Variants in ECHDC1 observed in about 807,000 individuals in gnomAD.
The protein encoded by ECHDC1 is ethylmalonyl-CoA decarboxylase 1.
A neutral mutation model predicts 29.7 loss-of-function variants in ECHDC1; 29 were observed. The observed-to-expected ratio is 0.98, with a 90% CI of 0.73 to 1.33. The LOEUF is 1.33. Among genes scored for constraint, ECHDC1 ranks in the 40% most tolerant of loss-of-function variants. The pLI, the probability that ECHDC1 is intolerant of heterozygous loss-of-function variation, is 0.00. For missense variants in ECHDC1, 328 were observed against 350.0 expected, an observed-to-expected ratio of 0.94 and a Z score of 0.50; for synonymous variants, 126 against 123.1, an observed-to-expected ratio of 1.02 and a Z score of -0.15.
chr6:127,317,676 C>T (rs1055328141), intron 3 of ECHDC1, among the ~76,000 whole-genome samples: 6 of 152,158 alleles, frequency 3.9e-5, no homozygotes, highest in East Asian at 1.9e-4. Context: ...TCTGAGCTAG[C>T]GGTCAATAAG....
At chr6:127,339,719 G>A (rs1784748406) in intron 1 of ECHDC1, among the ~76,000 whole-genome samples, 1 of 149,354 alleles carries the variant, frequency 6.7e-6, no homozygotes, top group Admixed American at 6.7e-5. Context: ...ATTGCAGTGA[G>A]CCAAGATCAC....
intron 3 of ECHDC1, among the ~76,000 whole-genome samples, chr6:127,320,301 G>A (rs1472268447): frequency 1.3e-5 from 2 of 152,180 alleles, no homozygotes; most frequent in Non-Finnish European, 2.9e-5. Context: ...ACAGGTGTGA[G>A]CTACCGTGCT....
intron 5 of ECHDC1, among the ~76,000 whole-genome samples, chr6:127,294,297 G>A (rs770519126): frequency 6.6e-6 from 1 of 152,110 alleles, no homozygotes; most frequent in South Asian, 2.1e-4. Context: ...AAACTTGCTC[G>A]CATGGGGAAA....
At chr6:127,301,960 G>A (rs565341492) in intron 5 of ECHDC1, among the ~76,000 whole-genome samples, 22 of 152,172 alleles carry the variant, frequency 1.4e-4, no homozygotes, top group Non-Finnish European at 2.8e-4. Context: ...TTTCAGAAAA[G>A]CTGGTTCAAA....
chr6:127,310,579 G>C lies in ECHDC1; in HGVS notation c.497+4237C>G, dbSNP rs575713378. ...ACAATCTCATGATAAAACCTGACTA[G>C]ATGAGGAATGGCTTCTTATGGATGA... On this transcript the variant is annotated intron_variant, in intron 5 of 5. Transcript: ENST00000454859. Among the ~76,000 whole-genome samples, 33 of 152,276 alleles carry C rather than the reference G, an allele frequency of 2.2e-4. No homozygotes were observed. In the South Asian group the frequency reaches 6.6e-3, roughly 31 times the overall value.
intron 1 of ECHDC1, among the ~76,000 whole-genome samples, chr6:127,332,176 A>C (rs1025966465): frequency 6.6e-6 from 1 of 152,186 alleles, no homozygotes; most frequent in Non-Finnish European, 1.5e-5. Context: ...AAACCCTTCA[A>C]GTAAAAGTAA....
At chr6:127,331,880 G>C (rs1783989318) in intron 1 of ECHDC1, 1 of 985,300 alleles carries the variant, frequency 1.0e-6, no homozygotes, top group Non-Finnish European at 1.2e-6. Flanking sequence ...AAGAAAAATG[G>C]GGAGGGAAAT....
chr6:127,327,527 A>G (rs549320331), intron 2 of ECHDC1, among the ~76,000 whole-genome samples: 1 of 152,204 alleles, frequency 6.6e-6, no homozygotes, highest in Non-Finnish European at 1.5e-5. Context: ...TACATGTCTC[A>G]GTCAATAAAG....
At chr6:127,326,088 G>A (rs1005813058) in intron 3 of ECHDC1, among the ~76,000 whole-genome samples, 7 of 152,160 alleles carry the variant, frequency 4.6e-5, no homozygotes, top group African/African-American at 1.7e-4. Flanking sequence ...GGGTTGATAT[G>A]GTTTGACTCT....
At chr6:127,321,300 C>T (rs1782805380) in intron 3 of ECHDC1, among the ~76,000 whole-genome samples, 1 of 152,162 alleles carries the variant, frequency 6.6e-6, no homozygotes, top group Admixed American at 6.5e-5. Flanking sequence ...CTGTTTATAA[C>T]TTAAAGCCAT....
chr6:127,329,766 T>A, intron 2 of ECHDC1: 1 of 325,348 alleles, frequency 3.1e-6, no homozygotes, highest in East Asian at 9.2e-5. Context: ...TTTACCTTTT[T>A]TAAATTTTTT....
Position 127,326,457 on chromosome 6 carries a change from C to T in ECHDC1, c.363+545G>A, listed in dbSNP as rs996276868. 2.8e-5 allele frequency: 12 copies of T among 426,802 alleles called. No homozygotes were observed. The East Asian group carries it at 8.7e-4, about 31-fold the overall frequency. The allele number at this position is 426,802 out of a possible 1,614,324, so 26.4% of individuals were successfully genotyped here. ...ATCTTTAGAGCAGTGTGAGAACAGA[C>T]TATCACATCGGTTCATTAGTAGCAA... On this transcript the variant is annotated intron_variant, in intron 3 of 5. Coordinates refer to ENST00000454859, the MANE Select transcript of ECHDC1 (RefSeq NM_001002030.2).
intron 5 of ECHDC1, among the ~76,000 whole-genome samples, chr6:127,298,913 T>G (rs943713546): frequency 1.3e-5 from 2 of 152,016 alleles, no homozygotes; most frequent in African/African-American, 2.4e-5. Flanking sequence ...TCTCACTCTG[T>G]CCCGCAGGCT....
intron 1 of ECHDC1, among the ~76,000 whole-genome samples, chr6:127,332,640 G>A (rs1169727483): frequency 6.6e-6 from 1 of 152,158 alleles, no homozygotes; most frequent in African/African-American, 2.4e-5. Flanking sequence ...TAGACAAAAG[G>A]TTGCATTCTT....
chr6:127,296,127 A>C (rs1349264059), intron 5 of ECHDC1, among the ~76,000 whole-genome samples: 1 of 152,258 alleles, frequency 6.6e-6, no homozygotes, highest in Non-Finnish European at 1.5e-5. Flanking sequence ...AAGGCTTTTA[A>C]ACTACCACTT....
At chr6:127,321,992 G>T (rs939741482) in intron 3 of ECHDC1, among the ~76,000 whole-genome samples, 1 of 151,758 alleles carries the variant, frequency 6.6e-6, no homozygotes, top group African/African-American at 2.4e-5. Context: ...AACAGAACCA[G>T]ACTCCATCTC....
rs566814759 is a variant in ECHDC1, at chr6:127,341,846, G to C, written c.-3+1490C>G. Among the ~76,000 whole-genome samples the C allele has an allele frequency of 2.6e-5, 4 of 152,308 alleles. No homozygotes were observed. The South Asian group carries it at 8.3e-4, about 32-fold the overall frequency. On this transcript the variant is annotated intron_variant, in intron 1 of 5. Coordinates refer to ENST00000454859, the MANE Select transcript of ECHDC1 (RefSeq NM_001002030.2). ...ACTTAAAAAGAAAACAATTAGCCTA[G>C]AGCACGTAATAGAAATCAGAAGCAT... is the stretch of plus-strand genomic sequence containing the variant.
intron 1 of ECHDC1, chr6:127,342,334 G>A (rs1785023970): frequency 6.5e-7 from 1 of 1,542,250 alleles, no homozygotes; most frequent in Admixed American, 2.0e-5. Flanking sequence ...CAACTACCCT[G>A]TTTATAATCC....
intron 5 of ECHDC1, among the ~76,000 whole-genome samples, chr6:127,298,405 A>AT (rs1780787127): frequency 6.6e-6 from 1 of 152,024 alleles, no homozygotes; most frequent in South Asian, 2.1e-4. Context: ...GTTTTGAGAG[A>AT]TTTTTCTCTA....
Sources: gnomAD v4.1 joint callset for allele counts (sites outside exome capture counted in the v4.1 genomes callset) on GRCh38, gnomAD v4.1.1 for gene constraint, MANE v1.5 for transcripts, NCBI Gene and HGNC (gene_info 2026-07-23, HGNC 2026-07-21) for gene names.